SEMA5A: variants seen among roughly 807,000 people sequenced by gnomAD.
SEMA5A encodes semaphorin-5A.
A neutral mutation model predicts 135.5 loss-of-function variants in SEMA5A; 55 were observed. The ratio of observed to expected loss-of-function variants is 0.41; its 90% CI spans 0.33 to 0.51. The LOEUF is 0.51. Ranked by LOEUF, SEMA5A falls within the 20% of genes least tolerant of loss-of-function variation. SEMA5A has a pLI of 0.37. For synonymous variants in SEMA5A, 580 were observed against 546.5 expected (o/e 1.06, Z -0.85); for missense variants, 1,290 against 1,419.9 (o/e 0.91, Z 1.47).
intron 4 of SEMA5A, among the ~76,000 whole-genome samples, chr5:9,329,626 A>G (rs1051332356): frequency 6.6e-6 from 1 of 152,248 alleles, no homozygotes; most frequent in African/African-American, 2.4e-5. Context: ...GTAGGAGAAA[A>G]GCTCTCAATA....
chr5:9,543,906 T>C (rs991724888), intron 1 of SEMA5A, among the ~76,000 whole-genome samples: 4 of 151,976 alleles, frequency 2.6e-5, no homozygotes, highest in Non-Finnish European at 4.4e-5. Flanking sequence ...TCTTTTGGTG[T>C]AAATACAGGC....
chr5:9,415,924 G>A (rs1364255596), intron 2 of SEMA5A, among the ~76,000 whole-genome samples: 1 of 152,190 alleles, frequency 6.6e-6, no homozygotes, highest in Non-Finnish European at 1.5e-5. Flanking sequence ...GGACATAGTT[G>A]AGAAAGCTGA....
At chr5:9,100,873 C>T (rs1049545384) in intron 16 of SEMA5A, among the ~76,000 whole-genome samples, 10 of 152,228 alleles carry the variant, frequency 6.6e-5, no homozygotes, top group African/African-American at 2.2e-4. Context: ...AAGTGCTACT[C>T]ACATCTCCAT....
At chr5:9,380,380 T>C (rs943663107) in intron 2 of SEMA5A, among the ~76,000 whole-genome samples, 2 of 152,210 alleles carry the variant, frequency 1.3e-5, no homozygotes, top group South Asian at 4.1e-4. Flanking sequence ...TCACCTGTCC[T>C]AACCCCTTGC....
chr5:9,136,898 CATAA>C (rs1485683978), intron 12 of SEMA5A, among the ~76,000 whole-genome samples: 1 of 152,172 alleles, frequency 6.6e-6, no homozygotes, highest in African/African-American at 2.4e-5. Context: ...ATTTTGCTGT[CATAA>C]ATAGTGCTAA....
At chr5:9,123,294 A>AAAAAAAAAT (rs1740924968) in intron 13 of SEMA5A, among the ~76,000 whole-genome samples, 1 of 142,628 alleles carries the variant, frequency 7.0e-6, no homozygotes, top group Non-Finnish European at 1.5e-5. Flanking sequence ...AAAAAAAAAA[A>AAAAAAAAAT]GATTGCATAA....
At chr5:9,192,672 A>G (rs552585461) in intron 10 of SEMA5A, among the ~76,000 whole-genome samples, 20 of 146,718 alleles carry the variant, frequency 1.4e-4, no homozygotes, top group African/African-American at 3.3e-4. Flanking sequence ...CTGTCAACAC[A>G]TGTTTTAAAA....
At position 9,038,706 on chromosome 5, in the gene SEMA5A, A is replaced by T. The variant is rs546608839; in HGVS notation, c.*4191T>A. The T allele has an allele frequency of 6.6e-6, 1 of 150,786 alleles. No homozygotes were observed. The highest frequency in any genetic ancestry group is 2.4e-5 in the African/African-American group (1 of 40,922). The allele number at this position is 150,786 out of a possible 1,614,324, so 9.3% of individuals were successfully genotyped here. ...CCCTTAGAGAGCCACTTGGGGACAT[A>T]GAGACCCCCCGCTAAGACTTTGTTC... On this transcript the variant is annotated 3_prime_UTR_variant, in exon 23 of 23. Transcript: ENST00000382496.
At chr5:9,235,618 G>A (rs1287787543) in intron 6 of SEMA5A, among the ~76,000 whole-genome samples, 1 of 150,390 alleles carries the variant, frequency 6.6e-6, no homozygotes, top group Admixed American at 7.1e-5. Context: ...GGAGGGTGGG[G>A]CCCCTCAGGT....
intron 12 of SEMA5A, among the ~76,000 whole-genome samples, chr5:9,139,320 A>G (rs981603826): frequency 6.6e-6 from 1 of 152,204 alleles, no homozygotes; most frequent in African/African-American, 2.4e-5. Flanking sequence ...TTATTCATGT[A>G]GTTATAGGCA....
At chr5:9,300,159 C>T (rs950455791) in intron 5 of SEMA5A, among the ~76,000 whole-genome samples, 1 of 152,118 alleles carries the variant, frequency 6.6e-6, no homozygotes, top group African/African-American at 2.4e-5. Flanking sequence ...TCCCATGTAG[C>T]TGGACCTACA....
At chr5:9,337,531 G>T (rs189875609) in intron 4 of SEMA5A, among the ~76,000 whole-genome samples, 182 bp downstream of exon 4, 1 of 152,096 alleles carries the variant, frequency 6.6e-6, no homozygotes, top group South Asian at 2.1e-4. Context: ...TTACTCTAAC[G>T]GGCAGCCATC....
At chr5:9,479,307 G>A (rs1468313421) in intron 1 of SEMA5A, among the ~76,000 whole-genome samples, 1 of 151,892 alleles carries the variant, frequency 6.6e-6, no homozygotes, top group Non-Finnish European at 1.5e-5. Context: ...GATCACTTGA[G>A]CCTAGGAGTT....
intron 1 of SEMA5A, among the ~76,000 whole-genome samples, chr5:9,484,815 G>A (rs1171375420): frequency 1.3e-5 from 2 of 152,064 alleles, no homozygotes; most frequent in African/African-American, 4.8e-5. Flanking sequence ...GGAGGTTCTT[G>A]CATCAACATC....
intron 10 of SEMA5A, among the ~76,000 whole-genome samples, chr5:9,194,120 G>A (rs566611384): frequency 8.5e-5 from 13 of 152,198 alleles, no homozygotes; most frequent in African/African-American, 2.4e-4. Flanking sequence ...ACTGGGCCTC[G>A]GTGATGTTTT....
intron 22 of SEMA5A, 24 bp from the exon 23 acceptor site, chr5:9,043,040 C>T (rs377297992): frequency 1.8e-6 from 2 of 1,135,584 alleles, no homozygotes; most frequent in Non-Finnish European, 2.5e-6. Flanking sequence ...TAAAAAAAAA[C>T]AGGTTTAAGA....
intron 5 of SEMA5A, among the ~76,000 whole-genome samples, chr5:9,305,714 A>ATATATATATATG (rs1561128566): frequency 4.2e-5 from 5 of 119,996 alleles, no homozygotes; most frequent in African/African-American, 1.4e-4. Context: ...GTGCGTATAT[A>ATATATATATATG]TATATATATA....
chr5:9,490,577 C>G (rs1341422955), intron 1 of SEMA5A, among the ~76,000 whole-genome samples: 3 of 152,154 alleles, frequency 2.0e-5, no homozygotes, highest in Middle Eastern at 3.2e-3. Context: ...TCTTTCAGGG[C>G]AATATCCAGT....
At chr5:9,508,393 C>T (rs1332703814) in intron 1 of SEMA5A, among the ~76,000 whole-genome samples, 2 of 152,300 alleles carry the variant, frequency 1.3e-5, no homozygotes, top group Middle Eastern at 3.4e-3. Flanking sequence ...CTGTAAATGT[C>T]GCCACTGTAG....
Sources: allele counts gnomAD v4.1 joint callset (sites outside exome capture counted in the v4.1 genomes callset), GRCh38; gene constraint gnomAD v4.1.1; transcripts MANE v1.5; gene names NCBI Gene and HGNC (gene_info 2026-07-23, HGNC 2026-07-21).